Variants in CTIF observed in about 807,000 individuals in gnomAD.
CTIF encodes the protein CBP80/20-dependent translation initiation factor.
CTIF carries 21 observed loss-of-function variants against 66.0 expected under a neutral mutation model. That is an observed-to-expected ratio of 0.32 (90% CI 0.23 to 0.46). The LOEUF (loss-of-function observed/expected upper bound fraction) is 0.46. Among genes scored for constraint, CTIF ranks in the 20% least tolerant of loss-of-function variants. The pLI is 1.00. For missense variants in CTIF, 739 were observed against 812.7 expected, an observed-to-expected ratio of 0.91 and a Z score of 1.10; for synonymous variants, 345 against 326.4, an observed-to-expected ratio of 1.06 and a Z score of -0.62.
intron 1 of CTIF, among the ~76,000 whole-genome samples, chr18:48,563,996 G>A (rs954539983): frequency 1.3e-5 from 2 of 152,138 alleles, no homozygotes; most frequent in African/African-American, 4.8e-5. Flanking sequence ...TTTCATCTCT[G>A]CTGGAGATTT....
intron 10 of CTIF, among the ~76,000 whole-genome samples, chr18:48,824,013 C>CACACACACACACACAG (rs139376550): frequency 9.5e-5 from 14 of 146,640 alleles, no homozygotes; most frequent in Admixed American, 2.7e-4. Flanking sequence ...CACACACACA[C>CACACACACACACACAG]AAACTGCTAG....
chr18:48,833,783 G>A (rs113620660), intron 10 of CTIF, among the ~76,000 whole-genome samples: 1,553 of 152,314 alleles, frequency 0.01, 28 homozygotes, highest in African/African-American at 0.036. Context: ...CCTCTGGATG[G>A]GGGGCTTCCC....
At chr18:48,775,762 G>T in intron 9 of CTIF, among the ~76,000 whole-genome samples, 1 of 152,254 alleles carries the variant, frequency 6.6e-6, no homozygotes, top group Non-Finnish European at 1.5e-5. Flanking sequence ...GGCAGGATCT[G>T]GGTGGAAGGA....
chr18:48,577,984 C>T (rs1195039722), intron 1 of CTIF, among the ~76,000 whole-genome samples: 3 of 152,220 alleles, frequency 2.0e-5, no homozygotes, highest in African/African-American at 7.2e-5. Context: ...CTCATTTTTC[C>T]CCAGCTTCCT....
At chr18:48,795,629 C>T (rs2067898244) in intron 9 of CTIF, among the ~76,000 whole-genome samples, 1 of 152,178 alleles carries the variant, frequency 6.6e-6, no homozygotes, top group Non-Finnish European at 1.5e-5. Flanking sequence ...CCTATTTTCC[C>T]AGGAGCTCTT....
chr18:48,709,588 G>A (rs140951835), intron 6 of CTIF, among the ~76,000 whole-genome samples: 1,699 of 152,278 alleles, frequency 0.011, 29 homozygotes, highest in African/African-American at 0.039. Context: ...AGGGAGCCTC[G>A]GCTTCCTGTC....
chr18:48,774,510 C>T (rs892088209), intron 9 of CTIF, among the ~76,000 whole-genome samples: 1 of 152,138 alleles, frequency 6.6e-6, no homozygotes, highest in East Asian at 1.9e-4. Context: ...GGGAACGACC[C>T]TCCCTTAACC....
intron 10 of CTIF, among the ~76,000 whole-genome samples, chr18:48,823,290 C>T (rs1336924536): frequency 1.3e-5 from 2 of 150,454 alleles, no homozygotes; most frequent in South Asian, 2.1e-4. Context: ...AGTAGTTTTA[C>T]AGTTTCAGGT....
chr18:48,717,768 C>T (rs1332874668), intron 7 of CTIF, among the ~76,000 whole-genome samples: 1 of 152,136 alleles, frequency 6.6e-6, no homozygotes, highest in Non-Finnish European at 1.5e-5. Context: ...GCTCTGTCAC[C>T]CAGGCTGGAG....
At chr18:48,750,053 T>G (rs1015833200) in intron 7 of CTIF, among the ~76,000 whole-genome samples, 5 of 152,276 alleles carry the variant, frequency 3.3e-5, no homozygotes, top group South Asian at 4.1e-4. Flanking sequence ...CTTGGAATGC[T>G]GGATTCACCC....
At chr18:48,641,692 A>G (rs1357286039) in intron 3 of CTIF, among the ~76,000 whole-genome samples, 1 of 152,230 alleles carries the variant, frequency 6.6e-6, no homozygotes, top group Non-Finnish European at 1.5e-5. Flanking sequence ...TCAGAAAAAC[A>G]ACTACACAGA....
At chr18:48,629,238 C>G (rs916051657) in intron 2 of CTIF, among the ~76,000 whole-genome samples, 1 of 152,238 alleles carries the variant, frequency 6.6e-6, no homozygotes, top group African/African-American at 2.4e-5. Flanking sequence ...CAAAATCCCC[C>G]CTGGGTGTCT....
intron 1 of CTIF, among the ~76,000 whole-genome samples, chr18:48,554,231 A>C (rs1241336649): frequency 6.6e-6 from 1 of 152,188 alleles, no homozygotes; most frequent in African/African-American, 2.4e-5. Flanking sequence ...TTCCAATGGG[A>C]ACATTTAAGC....
At chr18:48,648,434 C>G (rs1007339891) in intron 3 of CTIF, among the ~76,000 whole-genome samples, 5 of 151,170 alleles carry the variant, frequency 3.3e-5, no homozygotes, top group Non-Finnish European at 5.9e-5. Context: ...TTCCCCCTTT[C>G]CCAGCTGTGT....
chr18:48,556,924 A>G (rs1162313892), intron 1 of CTIF, among the ~76,000 whole-genome samples: 1 of 152,194 alleles, frequency 6.6e-6, no homozygotes, highest in Non-Finnish European at 1.5e-5. Flanking sequence ...TTCTCCAGCT[A>G]TGAGATTGGC....
intron 7 of CTIF, among the ~76,000 whole-genome samples, chr18:48,732,043 A>G (rs577096583): frequency 6.6e-6 from 1 of 152,378 alleles, no homozygotes; most frequent in Non-Finnish European, 1.5e-5. Context: ...GTTGTAGGTT[A>G]TCATGAATCT....
intron 1 of CTIF, among the ~76,000 whole-genome samples, chr18:48,569,477 A>G (rs752700508): frequency 2.6e-5 from 4 of 152,134 alleles, no homozygotes; most frequent in Non-Finnish European, 2.9e-5. Context: ...AAACAAAAAA[A>G]CAAAAAAAAA....
At chr18:48,756,140 T>G (rs1434947314) in intron 7 of CTIF, 1 of 152,154 alleles carries the variant, frequency 6.6e-6, no homozygotes, top group Non-Finnish European at 1.5e-5. Context: ...GTAGCTACTT[T>G]CCTCCAGCCA....
At chr18:48,767,459 AT>A (rs1230183678) in intron 9 of CTIF, among the ~76,000 whole-genome samples, 5 of 152,108 alleles carry the variant, frequency 3.3e-5, no homozygotes, top group Non-Finnish European at 7.3e-5. Flanking sequence ...CTCTGTTGAA[AT>A]GTGTGTGCTC....
Sources: gnomAD v4.1 joint callset for allele counts (sites outside exome capture counted in the v4.1 genomes callset) on GRCh38, gnomAD v4.1.1 for gene constraint, MANE v1.5 for transcripts, NCBI Gene and HGNC (gene_info 2026-07-23, HGNC 2026-07-21) for gene names.